The following FRAS1 variants were observed in gnomAD, a reference collection of about 807,000 sequenced individuals.
FRAS1 encodes Fraser extracellular matrix complex subunit 1.
FRAS1 carries 290 observed loss-of-function variants against 435.2 expected under a neutral mutation model. That is an observed-to-expected ratio of 0.67 (90% CI 0.61 to 0.73). The LOEUF is 0.73. Ranked by LOEUF, FRAS1 falls within the 30% of genes least tolerant of loss-of-function variation. The probability of loss-of-function intolerance (pLI) is 0.00; values close to 1 mark genes in which losing one functional copy is unlikely to be tolerated. For synonymous variants in FRAS1, 1,800 were observed against 1,851.0 expected, an observed-to-expected ratio of 0.97 and a Z score of 0.71; for missense variants, 4,860 against 5,001.5, an observed-to-expected ratio of 0.97 and a Z score of 0.85.
At chr4:78,339,002 A>G (rs1472556690) in intron 20 of FRAS1, among the ~76,000 whole-genome samples, 1 of 151,954 alleles carries the variant, frequency 6.6e-6, no homozygotes, top group Non-Finnish European at 1.5e-5. Flanking sequence ...AAGTGTAGAG[A>G]CTGTGCAAGC....
At position 78,448,289 on chromosome 4, in the gene FRAS1, A is replaced by G. The variant is rs372338395; in HGVS notation, c.6247A>G (p.Ile2083Val). The change falls in exon 44 of 74, where the codon ATA becomes GTA. Residue 2083 changes from isoleucine (I) to valine (V), a missense_variant. Ile to Val is a conservative substitution (Grantham distance 29). Transcript: ENST00000512123. ...TGCAAGTGACACACCTCACTTGGCT[A>G]TAAACCAAGGCCTACAGCTCTCAGC... Reference protein sequence around the residue: ...LPASDTPHLAINQGLQLSAGS... With the variant: ...LPASDTPHLAVNQGLQLSAGS... 33 of 1,611,274 alleles carry G rather than the reference A, an allele frequency of 2.0e-5. No individual in the cohort carries two copies. Among genetic ancestry groups the G allele is most frequent in the African/African-American group, 4.0e-5 (3 of 74,882 alleles).
At chr4:78,217,737 T>C (rs1723830524) in intron 2 of FRAS1, among the ~76,000 whole-genome samples, 1 of 151,802 alleles carries the variant, frequency 6.6e-6, no homozygotes, top group African/African-American at 2.4e-5. Context: ...CAATGGACGG[T>C]AGCTATGGCA....
At position 78,308,076 on chromosome 4, in the gene FRAS1, G is replaced by A. The variant is rs372845401; in HGVS notation, c.1545G>A (p.Glu515=). The change falls in exon 15 of 74, where the codon GAG becomes GAA. Residue 515 remains glutamate, a synonymous_variant. Transcript: ENST00000512123. ...GCTATTCGTCTGCAGTCTGCCATGA[G>A]TCCTGTGCAGGTTGCTGGGGCCCAA... ...QDRHSCAVCH[E]SCAGCWGPTE... 17 of 1,612,274 alleles carry A rather than the reference G, an allele frequency of 1.1e-5. No homozygotes were observed. Among genetic ancestry groups the A allele is most frequent in the Middle Eastern group, 1.7e-4 (1 of 6,056 alleles).
At chr4:78,211,542 T>G (rs1183241084) in intron 2 of FRAS1, among the ~76,000 whole-genome samples, 1 of 152,194 alleles carries the variant, frequency 6.6e-6, no homozygotes, top group Non-Finnish European at 1.5e-5. Flanking sequence ...TCTGAGCACC[T>G]GTACCCTCTA....
chr4:78,534,314 T>A, intron 70 of FRAS1, 135 bp from the exon 71 acceptor site: 1 of 638,300 alleles, frequency 1.6e-6, no homozygotes, highest in Non-Finnish European at 2.7e-6. Flanking sequence ...CATCCCTTTA[T>A]TCAGTGAATA....
chr4:78,439,015 C>G lies in FRAS1; in HGVS notation c.5480C>G (p.Thr1827Ser). The change falls in exon 40 of 74, where the codon ACT (threonine) becomes AGT (serine). Residue 1827 changes from threonine to serine, a missense_variant. Thr to Ser is a moderately conservative substitution (Grantham distance 58). Coordinates refer to ENST00000512123, the MANE Select transcript of FRAS1 (RefSeq NM_025074.7). The stretch of plus-strand genomic sequence containing the variant: ...AATCAGATATTTACCATCATGATCA[C>G]TCCTGCTGAAAATCCACCTCCAGTC... ...LDNQIFTIMITPAENPPPVIA... is the reference protein window; with the variant it reads ...LDNQIFTIMISPAENPPPVIA... 2 of 1,613,490 alleles carry G rather than the reference C, an allele frequency of 1.2e-6. No individual in the cohort carries two copies. The highest frequency in any genetic ancestry group is 1.7e-6 in the Non-Finnish European group (2 of 1,179,658).
chr4:78,134,800 G>A (rs969762413), intron 2 of FRAS1, among the ~76,000 whole-genome samples: 3 of 152,062 alleles, frequency 2.0e-5, no homozygotes, highest in Non-Finnish European at 2.9e-5. Context: ...TGATGCAGTA[G>A]GTGCTGTTAT....
intron 2 of FRAS1, among the ~76,000 whole-genome samples, chr4:78,066,459 A>T (rs1708675536): frequency 2.0e-5 from 3 of 152,230 alleles, no homozygotes; most frequent in African/African-American, 4.8e-5. Context: ...TATAAACTTA[A>T]GTTTTGGTGA....
chr4:78,400,790 G>T lies in FRAS1; in HGVS notation c.4032G>T (p.Gly1344=), dbSNP rs371941648. The part of the protein sequence containing the change: ...ANSMVWVPEG[G]MLQITNRILQ... ...CGATGGTGTGGGTTCCAGAAGGGGGGATGCTGCAGATCACCAACAGAATCT... is the reference window on the plus strand; with the variant it reads ...CGATGGTGTGGGTTCCAGAAGGGGGTATGCTGCAGATCACCAACAGAATCT... Residue 1344 remains glycine (G), a synonymous_variant, in exon 30 of 74, where the codon GGG becomes GGT. Transcript: ENST00000512123. 2.3e-5 allele frequency: 37 copies of T among 1,613,492 alleles called. No individual in the cohort carries two copies. In the African/African-American group the frequency reaches 4.4e-4, roughly 19 times the overall value.
intron 15 of FRAS1, among the ~76,000 whole-genome samples, chr4:78,313,398 C>G (rs1729111692): frequency 6.6e-6 from 1 of 152,160 alleles, no homozygotes; most frequent in Non-Finnish European, 1.5e-5. Context: ...CTTATGTTCT[C>G]AAAATATTTT....
intron 65 of FRAS1, among the ~76,000 whole-genome samples, chr4:78,514,131 G>A (rs1235228630): frequency 6.6e-6 from 1 of 152,216 alleles, no homozygotes; most frequent in African/African-American, 2.4e-5. Flanking sequence ...AAGCCATCTC[G>A]GCCATGGCAG....
chr4:78,530,802 G>T (rs1721687634), intron 70 of FRAS1, among the ~76,000 whole-genome samples: 1 of 152,130 alleles, frequency 6.6e-6, no homozygotes, highest in Non-Finnish European at 1.5e-5. Flanking sequence ...TTTTTGCTTA[G>T]GATTGTCTTG....
intron 69 of FRAS1, among the ~76,000 whole-genome samples, chr4:78,523,791 G>A (rs1173931579): frequency 7.2e-5 from 11 of 152,074 alleles, no homozygotes; most frequent in Non-Finnish European, 1.5e-4. Flanking sequence ...CTTCCTTTAA[G>A]TATTCTGCTG....
chr4:78,372,883 G>A, intron 24 of FRAS1, 25 bp downstream of exon 24: 1 of 1,604,678 alleles, frequency 6.2e-7, no homozygotes, highest in Non-Finnish European at 8.5e-7. Context: ...GCCCTGCTCT[G>A]TGCTCAGCCA....
At chr4:78,321,381 G>A (rs760415783) in intron 18 of FRAS1, among the ~76,000 whole-genome samples, 9 of 152,184 alleles carry the variant, frequency 5.9e-5, no homozygotes, top group Admixed American at 3.3e-4. Context: ...TCACGCTACT[G>A]TATTCCAGTG....
chr4:78,446,259 A>C, intron 42 of FRAS1: 1 of 1,005,584 alleles, frequency 9.9e-7, no homozygotes. Flanking sequence ...CTGCACTCTT[A>C]AGGGTCAGTG....
chr4:78,126,276 G>A (rs781130116), intron 2 of FRAS1, among the ~76,000 whole-genome samples: 2 of 152,120 alleles, frequency 1.3e-5, no homozygotes, highest in African/African-American at 4.8e-5. Flanking sequence ...ATTTGGGCAG[G>A]AGTGTACCTC....
chr4:78,384,908 A>T (rs968367452), intron 28 of FRAS1, among the ~76,000 whole-genome samples: 346 of 27,998 alleles, frequency 0.012, 1 homozygote, highest in African/African-American at 0.045. Context: ...ACCCTGTCTC[A>T]AAAAAAAAAA....
intron 2 of FRAS1, among the ~76,000 whole-genome samples, chr4:78,099,485 G>A (rs978789464): frequency 1.2e-4 from 19 of 152,160 alleles, no homozygotes; most frequent in Admixed American, 9.8e-4. Flanking sequence ...AAAGGGGCAC[G>A]TAAAATAGGA....
Sources: allele counts gnomAD v4.1 joint callset (sites outside exome capture counted in the v4.1 genomes callset), GRCh38; gene constraint gnomAD v4.1.1; transcripts MANE v1.5; gene names NCBI Gene and HGNC (gene_info 2026-07-23, HGNC 2026-07-21).